The following IL1RAPL1 variants were observed in gnomAD, a reference collection of about 807,000 sequenced individuals.
IL1RAPL1 encodes the protein interleukin-1 receptor accessory protein-like 1.
In IL1RAPL1, 3 loss-of-function variants were observed where a neutral mutation model predicts 48.4. The observed-to-expected ratio is 0.06, with a 90% CI of 0.03 to 0.16. IL1RAPL1 has a LOEUF of 0.16. Among genes scored for constraint, IL1RAPL1 ranks in the 10% least tolerant of loss-of-function variants. The pLI is 1.00. For synonymous variants in IL1RAPL1, 185 were observed against 187.7 expected (o/e 0.99, Z 0.12); for missense variants, 349 against 530.6 (o/e 0.66, Z 3.36).
chrX:29,608,783 A>C (rs756096837), intron 5 of IL1RAPL1, among the ~76,000 whole-genome samples: 1 of 106,968 alleles, frequency 9.3e-6, no homozygotes. Context: ...CCGAGATCTC[A>C]CCACTGCACT....
intron 5 of IL1RAPL1, among the ~76,000 whole-genome samples, chrX:29,472,740 C>T (rs755845923): frequency 8.9e-6 from 1 of 111,795 alleles, no homozygotes; most frequent in Admixed American, 9.5e-5. Context: ...GTGTCTGTTA[C>T]CTCGTCAGTA....
At chrX:28,971,610 T>A (rs775968429) in intron 2 of IL1RAPL1, among the ~76,000 whole-genome samples, 3 of 112,046 alleles carry the variant, frequency 2.7e-5, no homozygotes, top group Non-Finnish European at 5.6e-5. Flanking sequence ...ATACTAGATC[T>A]CTCTTTTATC....
intron 2 of IL1RAPL1, among the ~76,000 whole-genome samples, chrX:28,818,357 ATTTG>A (rs1362156695): frequency 1.8e-5 from 2 of 110,682 alleles, no homozygotes; most frequent in Non-Finnish European, 3.8e-5. Flanking sequence ...TGAATTTGTA[ATTTG>A]TTTGCAGTGT....
intron 2 of IL1RAPL1, among the ~76,000 whole-genome samples, chrX:28,887,536 G>T (rs1029464618): frequency 8.1e-5 from 9 of 111,541 alleles, no homozygotes; most frequent in Admixed American, 4.8e-4. Flanking sequence ...TTCCTTCCCT[G>T]ATCATCTCTC....
chrX:29,385,455 A>AC (rs1933763780), intron 3 of IL1RAPL1, among the ~76,000 whole-genome samples: 4 of 111,047 alleles, frequency 3.6e-5, no homozygotes, highest in Admixed American at 9.5e-5. Context: ...CTCCGTCTCA[A>AC]TAAAAAAAAA....
intron 2 of IL1RAPL1, among the ~76,000 whole-genome samples, chrX:29,030,561 G>A (rs1926593860): frequency 9.0e-6 from 1 of 111,183 alleles, no homozygotes; most frequent in Admixed American, 9.6e-5. Flanking sequence ...TTTTGCCTTT[G>A]TGATACTAGT....
chrX:29,368,549 GT>G (rs1243002716), intron 3 of IL1RAPL1, among the ~76,000 whole-genome samples: 1 of 104,554 alleles, frequency 9.6e-6, no homozygotes, highest in African/African-American at 3.5e-5. Context: ...GCTCAGCTAA[GT>G]TTTTTTGTTT....
intron 3 of IL1RAPL1, among the ~76,000 whole-genome samples, chrX:29,354,369 T>C (rs1189912298): frequency 8.9e-6 from 1 of 111,908 alleles, no homozygotes; most frequent in Non-Finnish European, 1.9e-5. Flanking sequence ...CTAGTTGTAT[T>C]TGGTAATACA....
chrX:28,751,840 G>GT (rs910545649), intron 1 of IL1RAPL1, among the ~76,000 whole-genome samples: 6 of 110,595 alleles, frequency 5.4e-5, no homozygotes, highest in African/African-American at 1.3e-4. Context: ...TGTACAAGTG[G>GT]TTTTTTTTTG....
chrX:29,697,535 T>G (rs1307522686), intron 6 of IL1RAPL1, among the ~76,000 whole-genome samples: 1 of 112,100 alleles, frequency 8.9e-6, no homozygotes, highest in African/African-American at 3.2e-5. Flanking sequence ...GCTTGTGGTG[T>G]GTACTACCTG....
At chrX:29,871,235 A>G (rs956729993) in intron 6 of IL1RAPL1, among the ~76,000 whole-genome samples, 2 of 112,097 alleles carry the variant, frequency 1.8e-5, no homozygotes, top group African/African-American at 6.5e-5. Context: ...ACCCACCAGG[A>G]AAGTCTCCCA....
chrX:29,647,459 CTTA>C (rs962324883), intron 5 of IL1RAPL1, among the ~76,000 whole-genome samples: 26 of 87,073 alleles, frequency 3.0e-4, no homozygotes, highest in East Asian at 5.6e-4. Flanking sequence ...ACTACACTAA[CTTA>C]TTATGGTACA....
intron 5 of IL1RAPL1, among the ~76,000 whole-genome samples, chrX:29,519,037 TGAAA>T (rs1262554774): frequency 9.0e-5 from 10 of 111,271 alleles, no homozygotes; most frequent in African/African-American, 3.3e-4. Context: ...ATGTAGGCTG[TGAAA>T]GAAAGAAAGG....
chrX:28,691,682 T>G (rs1166786423), intron 1 of IL1RAPL1, among the ~76,000 whole-genome samples: 1 of 111,788 alleles, frequency 8.9e-6, no homozygotes, highest in Non-Finnish European at 1.9e-5. Context: ...TCTTCTATCC[T>G]GTCTTTCTCT....
chrX:29,941,662 A>G lies in IL1RAPL1; in HGVS notation c.1069A>G (p.Thr357Ala). The change falls in exon 9 of 11, where the codon ACA (threonine) becomes GCA (alanine). Residue 357 changes from threonine (T) to alanine (A), a missense_variant. Physicochemically the swap from Thr to Ala is moderately conservative, Grantham distance 58. Around this residue, in one of 3 missense-constraint regions of IL1RAPL1, gnomAD observed 238 missense variants for 337.8 expected, o/e 0.70. Transcript: ENST00000378993. ...VLLHKRELMY[T>A]VELAGGLGAI... ...TTTTTTCTTTCTAGAGCTAATGTAC[A>G]CAGTGGAACTTGCTGGAGGCCTTGG... 3 of 1,210,829 alleles carry G rather than the reference A, an allele frequency of 2.5e-6. No homozygotes were observed. The highest frequency in any genetic ancestry group is 3.4e-6 in the Non-Finnish European group (3 of 894,513).
chrX:29,242,031 G>A (rs1931431644), intron 2 of IL1RAPL1, among the ~76,000 whole-genome samples: 1 of 111,568 alleles, frequency 9.0e-6, no homozygotes. Flanking sequence ...TTCACTCAAG[G>A]TCAAGAAGCC....
At chrX:28,723,107 T>C (rs1307603400) in intron 1 of IL1RAPL1, among the ~76,000 whole-genome samples, 2 of 111,639 alleles carry the variant, frequency 1.8e-5, no homozygotes, top group African/African-American at 6.5e-5. Flanking sequence ...GCTGGCCTCA[T>C]AAAATGAGTT....
Position 29,090,107 on chromosome X carries a change from T to A in IL1RAPL1, c.83-192831T>A, listed in dbSNP as rs376713667. Among the ~76,000 whole-genome samples the A allele has an allele frequency of 2.8e-5, 3 of 109,043 alleles. No individual in the cohort carries two copies. The East Asian group carries it at 8.7e-4, about 32-fold the overall frequency. The allele number at this position is 109,043 out of a possible 115,157, so 94.7% of individuals were successfully genotyped here. ...ATTGTATAATGTTCTGGGGTGCATA[T>A]CTCAAGCTCTTTATTTCTGTTTCTT... On this transcript the variant is annotated intron_variant, in intron 2 of 10. Transcript: ENST00000378993.
chrX:29,772,647 T>C (rs977625926), intron 6 of IL1RAPL1, among the ~76,000 whole-genome samples: 2 of 112,379 alleles, frequency 1.8e-5, no homozygotes, highest in Non-Finnish European at 1.9e-5. Context: ...ATTTGCATTA[T>C]ATTTTGTACA....
Sources: allele counts gnomAD v4.1 joint callset (sites outside exome capture counted in the v4.1 genomes callset), GRCh38; gene constraint gnomAD v4.1.1; regional missense constraint gnomAD v4.1.1; transcripts MANE v1.5; gene names NCBI Gene and HGNC (gene_info 2026-07-23, HGNC 2026-07-21).